The following RBFOX2 variants were observed in gnomAD, a reference collection of about 807,000 sequenced individuals.
RBFOX2 encodes RNA binding fox-1 homolog 2.
A neutral mutation model predicts 49.1 loss-of-function variants in RBFOX2; 10 were observed. The ratio of observed to expected loss-of-function variants is 0.20; its 90% CI spans 0.13 to 0.35. RBFOX2 has a LOEUF of 0.35. Among genes scored for constraint, RBFOX2 ranks in the 10% least tolerant of loss-of-function variants. The pLI is 1.00. For missense variants in RBFOX2, 323 were observed against 486.9 expected (o/e 0.66, Z 3.17); for synonymous variants, 183 against 187.4 (o/e 0.98, Z 0.19).
At chr22:35,944,302 A>T (rs1301655951) in intron 1 of RBFOX2, among the ~76,000 whole-genome samples, 1 of 152,212 alleles carries the variant, frequency 6.6e-6, no homozygotes, top group Non-Finnish European at 1.5e-5. Flanking sequence ...ACTATGTTGA[A>T]TTGATACATG....
intron 2 of RBFOX2, among the ~76,000 whole-genome samples, chr22:35,785,674 A>G (rs1209364656): frequency 6.6e-6 from 1 of 152,240 alleles, no homozygotes; most frequent in Non-Finnish European, 1.5e-5. Context: ...AAGTGATGGC[A>G]GCTTTTTATC....
intron 1 of RBFOX2, among the ~76,000 whole-genome samples, chr22:35,917,166 T>C (rs2050520994): frequency 6.6e-6 from 1 of 152,130 alleles, no homozygotes; most frequent in African/African-American, 2.4e-5. Context: ...GAGTGAAGGA[T>C]ACAACTTCTC....
chr22:35,984,172 C>G (rs2057594635), intron 1 of RBFOX2, among the ~76,000 whole-genome samples: 1 of 152,172 alleles, frequency 6.6e-6, no homozygotes, highest in Admixed American at 6.5e-5. Context: ...TTACTGCATA[C>G]TAGCATCATC....
chr22:35,861,286 C>T lies in RBFOX2; in HGVS notation c.-33-51282G>A, dbSNP rs77853795. 5.5e-3 allele frequency among the ~76,000 whole-genome samples: 844 copies of T among 152,166 alleles called. 12 individuals are homozygous for T. Among genetic ancestry groups the T allele is most frequent in the African/African-American group, 0.019 (784 of 41,514 alleles). ...AAGCTATAACATTAAAAACATAATC[C>T]ATAAAAGAACAATAAATTGGACTTC... On this transcript the variant is annotated intron_variant, in intron 1 of 13. Transcript: ENST00000359369.
intron 1 of RBFOX2, among the ~76,000 whole-genome samples, chr22:35,986,957 C>T (rs2057752106): frequency 7.0e-6 from 1 of 142,060 alleles, no homozygotes. Flanking sequence ...ATAAAGATCT[C>T]TTTTTTTTTT....
chr22:35,948,195 C>A (rs2054526547), intron 1 of RBFOX2, among the ~76,000 whole-genome samples: 1 of 152,132 alleles, frequency 6.6e-6, no homozygotes, highest in Non-Finnish European at 1.5e-5. Context: ...AGATGTGCAG[C>A]CTCGGAACAA....
exon 2 of RBFOX2, chr22:35,809,887 C>T (rs1179289316): frequency 6.2e-7 from 1 of 1,613,988 alleles, no homozygotes; most frequent in African/African-American, 1.3e-5. Context: ...CCGGCATAGT[C>T]TTGAGTGTGT....
chr22:35,768,458 A>T (rs111726916), intron 4 of RBFOX2, 109 bp from the exon 6 acceptor site: 8 of 931,718 alleles, frequency 8.6e-6, no homozygotes, highest in African/African-American at 3.3e-5. Flanking sequence ...CATCAGCAAC[A>T]ACTCAGCAAT....
chr22:35,857,277 A>C, intron 1 of RBFOX2, among the ~76,000 whole-genome samples: 1 of 152,248 alleles, frequency 6.6e-6, no homozygotes, highest in East Asian at 1.9e-4. Context: ...AGAATGAAAA[A>C]GGGAACAACC....
chr22:35,941,411 C>T (rs2053675300), upstream of RBFOX2, among the ~76,000 whole-genome samples: 1 of 152,060 alleles, frequency 6.6e-6, no homozygotes, highest in Non-Finnish European at 1.5e-5. Flanking sequence ...AATATATTTC[C>T]TATCACTGGG....
At chr22:35,794,047 C>A (rs932412217) in intron 2 of RBFOX2, among the ~76,000 whole-genome samples, 6 of 152,092 alleles carry the variant, frequency 3.9e-5, no homozygotes, top group African/African-American at 1.4e-4. Flanking sequence ...TAGTGACATG[C>A]ACACAGAATA....
chr22:35,871,772 A>C (rs570774771), intron 1 of RBFOX2, among the ~76,000 whole-genome samples: 1 of 152,346 alleles, frequency 6.6e-6, no homozygotes, highest in African/African-American at 2.4e-5. Context: ...GAGTGCCACC[A>C]TGCACCAAGG....
At chr22:35,986,424 T>C (rs1206454459) in intron 1 of RBFOX2, among the ~76,000 whole-genome samples, 1 of 152,152 alleles carries the variant, frequency 6.6e-6, no homozygotes, top group Admixed American at 6.6e-5. Context: ...AAGCTCACTG[T>C]CTGAATGGAA....
chr22:35,989,686 A>G (rs964601924), intron 1 of RBFOX2, among the ~76,000 whole-genome samples: 3 of 152,182 alleles, frequency 2.0e-5, no homozygotes, highest in Middle Eastern at 3.2e-3. Flanking sequence ...AAATCTTGGG[A>G]AAAATCCAAG....
intron 1 of RBFOX2, among the ~76,000 whole-genome samples, chr22:36,009,934 T>C (rs1290730806): frequency 1.3e-5 from 2 of 152,200 alleles, no homozygotes; most frequent in Admixed American, 6.5e-5. Flanking sequence ...ACTCCTCGGG[T>C]TGGCACTTCA....
At chr22:35,943,207 C>T (rs554780215), upstream of RBFOX2, among the ~76,000 whole-genome samples, 58 of 152,292 alleles carry the variant, frequency 3.8e-4, no homozygotes, top group African/African-American at 1.2e-3. Context: ...AGATTTGCCT[C>T]GTCTGGTCAG....
At chr22:35,840,540 C>G in exon 1 of RBFOX2, 1 of 1,213,186 alleles carries the variant, frequency 8.2e-7, no homozygotes, top group Non-Finnish European at 1.0e-6. Flanking sequence ...CCACCCCCTC[C>G]CAGCAGGCTG....
At chr22:35,989,296 A>G (rs1953860104) in intron 1 of RBFOX2, among the ~76,000 whole-genome samples, 2 of 152,208 alleles carry the variant, frequency 1.3e-5, no homozygotes, top group African/African-American at 4.8e-5. Context: ...TTCAAGCACC[A>G]ATTTTTAAGT....
chr22:35,898,616 C>T (rs1272364121), intron 1 of RBFOX2, among the ~76,000 whole-genome samples: 3 of 151,584 alleles, frequency 2.0e-5, no homozygotes, highest in South Asian at 2.1e-4. Flanking sequence ...TTGGTAGAAA[C>T]GGGGTTTCAC....
Sources: gnomAD v4.1 joint callset for allele counts (sites outside exome capture counted in the v4.1 genomes callset) on GRCh38, gnomAD v4.1.1 for gene constraint, MANE v1.5 for transcripts, NCBI Gene and HGNC (gene_info 2026-07-23, HGNC 2026-07-21) for gene names.